The following PPM1H variants were observed in gnomAD, a reference collection of about 807,000 sequenced individuals.
PPM1H encodes the protein protein phosphatase, Mg2+/Mn2+ dependent 1H, also known as protein phosphatase 1H.
PPM1H carries 27 observed loss-of-function variants against 54.9 expected under a neutral mutation model. The observed-to-expected ratio is 0.49, with a 90% CI of 0.36 to 0.68. The LOEUF (loss-of-function observed/expected upper bound fraction) is 0.68. Ranked by LOEUF, PPM1H falls within the 30% of genes least tolerant of loss-of-function variation. PPM1H has a pLI of 0.00. For missense variants in PPM1H, 596 were observed against 667.8 expected (o/e 0.89, Z 1.19); for synonymous variants, 305 against 270.8 (o/e 1.13, Z -1.24).
rs750706647 is a variant in PPM1H at position 62,934,290 on chromosome 12, A to G, written c.245+202T>C. Among the ~76,000 whole-genome samples the G allele has an allele frequency of 5.9e-5, 9 of 152,084 alleles. No homozygotes were observed. Among genetic ancestry groups the G allele is most frequent in the Non-Finnish European group, 1.3e-4 (9 of 68,006 alleles). ...TCCACCACCCATACCGGGGCTGGAGACGCCGCGTCCTTGGGCTGGGGGAAG... is the reference window on the plus strand; with the variant it reads ...TCCACCACCCATACCGGGGCTGGAGGCGCCGCGTCCTTGGGCTGGGGGAAG... On this transcript the variant is annotated intron_variant, in intron 1 of 9. Transcript: ENST00000228705. The surrounding 1 kb of genome is among the most constrained non-coding windows in gnomAD (Gnocchi z 4.2).
intron 1 of PPM1H, among the ~76,000 whole-genome samples, chr12:62,909,515 G>A (rs182320507): frequency 1.1e-4 from 16 of 152,172 alleles, no homozygotes; most frequent in African/African-American, 3.9e-4. Flanking sequence ...CAATCTTGGT[G>A]TCCTTGCACA....
chr12:62,801,499 T>C (rs2120745083), intron 3 of PPM1H, among the ~76,000 whole-genome samples: 1 of 152,286 alleles, frequency 6.6e-6, no homozygotes, highest in East Asian at 1.9e-4. Flanking sequence ...TGTATTTTTG[T>C]AGAGACGGGG....
At chr12:62,669,928 C>T (rs961955584) in intron 8 of PPM1H, among the ~76,000 whole-genome samples, 1 of 143,440 alleles carries the variant, frequency 7.0e-6, no homozygotes, top group Non-Finnish European at 1.5e-5. Flanking sequence ...GACAGTGAGA[C>T]CCAGTCTTTA....
intron 2 of PPM1H, among the ~76,000 whole-genome samples, chr12:62,824,746 T>C (rs1365617069): frequency 6.6e-6 from 1 of 152,124 alleles, no homozygotes; most frequent in Non-Finnish European, 1.5e-5. Context: ...ATACAAAAAT[T>C]AATTGAAGAT....
At chr12:62,852,220 C>G (rs1592635886) in intron 1 of PPM1H, among the ~76,000 whole-genome samples, 2 of 110,072 alleles carry the variant, frequency 1.8e-5, no homozygotes. Flanking sequence ...CAGAGCGAGA[C>G]TCTGTCTCAA....
At chr12:62,863,076 A>C (rs1488112087) in intron 1 of PPM1H, among the ~76,000 whole-genome samples, 1 of 152,154 alleles carries the variant, frequency 6.6e-6, no homozygotes, top group Admixed American at 6.5e-5. Context: ...GCTGGAGTGC[A>C]GTGGCGTGAT....
chr12:62,834,477 A>G (rs1289952871), intron 1 of PPM1H, among the ~76,000 whole-genome samples: 1 of 151,838 alleles, frequency 6.6e-6, no homozygotes, highest in African/African-American at 2.4e-5. Flanking sequence ...CCCTAACCCA[A>G]CCTCTTCCTA....
At chr12:62,755,338 G>T in intron 4 of PPM1H, 1 of 1,144,016 alleles carries the variant, frequency 8.7e-7, no homozygotes, top group South Asian at 1.2e-5. Flanking sequence ...CCCCTTCATT[G>T]ACCTCAACTA....
At chr12:62,850,977 A>G (rs1869162642) in intron 1 of PPM1H, 1 of 152,252 alleles carries the variant, frequency 6.6e-6, no homozygotes, top group African/African-American at 2.4e-5. Context: ...TAAATTGAAG[A>G]AAAACCTTGT....
At chr12:62,780,432 C>G (rs1176857539) in intron 4 of PPM1H, among the ~76,000 whole-genome samples, 1 of 152,212 alleles carries the variant, frequency 6.6e-6, no homozygotes, top group Non-Finnish European at 1.5e-5. Flanking sequence ...TCCTGAGTAG[C>G]TGGGACCACA....
At chr12:62,737,635 G>C (rs1174524288) in intron 4 of PPM1H, 49 bp from the exon 5 acceptor site, 1 of 1,305,858 alleles carries the variant, frequency 7.7e-7, no homozygotes, top group East Asian at 2.6e-5. Context: ...TAAATGCTCT[G>C]ATTCTGTTAC....
At chr12:62,709,404 T>C (rs1010133661) in intron 6 of PPM1H, among the ~76,000 whole-genome samples, 1 of 152,230 alleles carries the variant, frequency 6.6e-6, no homozygotes, top group Non-Finnish European at 1.5e-5. Context: ...ATTTTGATTG[T>C]CCAAATATTT....
At chr12:62,734,668 G>A (rs1295121094) in intron 5 of PPM1H, among the ~76,000 whole-genome samples, 1 of 152,194 alleles carries the variant, frequency 6.6e-6, no homozygotes, top group Admixed American at 6.5e-5. Flanking sequence ...TTTTAAAACA[G>A]AAAGTGCAAA....
chr12:62,858,928 A>C (rs546431784), intron 1 of PPM1H, among the ~76,000 whole-genome samples: 1 of 152,274 alleles, frequency 6.6e-6, no homozygotes, highest in Non-Finnish European at 1.5e-5. Context: ...ATACAACCTA[A>C]AACCCATTTT....
chr12:62,857,016 T>C (rs1291228738), intron 1 of PPM1H, among the ~76,000 whole-genome samples: 1 of 152,216 alleles, frequency 6.6e-6, no homozygotes, highest in African/African-American at 2.4e-5. Flanking sequence ...CTAATGTGTA[T>C]ATGTGATCAT....
rs568791240 is a variant in PPM1H at position 62,873,783 on chromosome 12, G to A, written c.246-41504C>T. ...AAACGGTCTTTAGCCCTATAAATTTGCCAGTTTGTGAGGACAAAGTTTAAG... is the reference window on the plus strand; with the variant it reads ...AAACGGTCTTTAGCCCTATAAATTTACCAGTTTGTGAGGACAAAGTTTAAG... On this transcript the variant is annotated intron_variant, in intron 1 of 9. Transcript: ENST00000228705. Among the ~76,000 whole-genome samples, 13 of 152,318 alleles carry A rather than the reference G, an allele frequency of 8.5e-5. No individual in the cohort carries two copies. The South Asian group carries it at 2.7e-3, about 32-fold the overall frequency.
chr12:62,733,247 T>C (rs902464265), intron 5 of PPM1H, among the ~76,000 whole-genome samples: 2 of 152,124 alleles, frequency 1.3e-5, no homozygotes, highest in African/African-American at 4.8e-5. Flanking sequence ...TAGTTGATAC[T>C]ATTTTCTCCA....
intron 2 of PPM1H, among the ~76,000 whole-genome samples, chr12:62,828,164 T>C (rs138365373): frequency 1.3e-5 from 2 of 152,318 alleles, no homozygotes; most frequent in East Asian, 3.9e-4. Context: ...GTCTTCTAGA[T>C]GGGAAAAATC....
rs1428417477 is a variant in PPM1H at position 62,741,028 on chromosome 12, G to A, written c.870-3442C>T. ...AACTGCCAACGGATATATCCACTTCGATATATTCACTGGCATTTCATACTT... is the reference window on the plus strand; with the variant it reads ...AACTGCCAACGGATATATCCACTTCAATATATTCACTGGCATTTCATACTT... On this transcript the variant is annotated intron_variant, in intron 4 of 9. Coordinates refer to ENST00000228705, the MANE Select transcript of PPM1H (RefSeq NM_020700.2). Among the ~76,000 whole-genome samples, 5 of 152,120 alleles carry A rather than the reference G, an allele frequency of 3.3e-5. No individual in the cohort carries two copies. In the East Asian group the frequency reaches 7.7e-4, roughly 23 times the overall value.
Sources: allele counts gnomAD v4.1 joint callset (sites outside exome capture counted in the v4.1 genomes callset), GRCh38; gene constraint gnomAD v4.1.1; non-coding constraint Gnocchi (gnomAD v3.1); transcripts MANE v1.5; gene names NCBI Gene and HGNC (gene_info 2026-07-23, HGNC 2026-07-21).